The following SMAD2 variants were observed in gnomAD, a reference collection of about 807,000 sequenced individuals.
The protein encoded by SMAD2 is SMAD family member 2, also known as MAD homolog 2.
In SMAD2, 8 loss-of-function variants were observed where a neutral mutation model predicts 64.4. That is an observed-to-expected ratio of 0.12 (90% CI 0.07 to 0.22). The LOEUF is 0.22. SMAD2 is among the 10% of genes least tolerant of loss of function. The pLI is 1.00. For synonymous variants in SMAD2, 203 were observed against 195.8 expected (o/e 1.04, Z -0.31); for missense variants, 289 against 561.2 (o/e 0.51, Z 4.90).
rs940732834 is a variant in SMAD2, at chr18:47,829,575, A to G, written c.*12252T>C. The G allele has an allele frequency of 5.3e-5, 8 of 151,862 alleles. No individual in the cohort carries two copies. Among genetic ancestry groups the G allele is most frequent in the African/African-American group, 1.9e-4 (8 of 41,314 alleles). 9.4% of individuals were successfully genotyped at this position (151,862 alleles called of 1,614,324 possible). A position where few individuals can be genotyped will look rare whatever the true frequency, so the allele number is the denominator to read the frequency against. ...TCTGAAAAAATATTTAAAGTAATCA[A>G]TTAGGTATTCTAAAAGAAGGCAGTT... is the stretch of plus-strand genomic sequence containing the variant. On this transcript the variant is annotated 3_prime_UTR_variant, in exon 11 of 11. Coordinates refer to ENST00000262160, the MANE Select transcript of SMAD2 (RefSeq NM_005901.6).
rs2144474611 is a variant in SMAD2 at position 47,896,622 on chromosome 18, C to T, written c.135G>A (p.Val45=). ...GQEEKWCEKA[V]KSLVKKLKKT... is the part of the protein sequence containing the mutation. ...TCTTTAGCTTCTTCACCAGACTTTT[C>T]ACTGCTTTCTCACACCACTTTTCTT... Residue 45 remains valine, a synonymous_variant, in exon 2 of 11, where the codon GTG becomes GTA. Coordinates refer to ENST00000262160, the MANE Select transcript of SMAD2 (RefSeq NM_005901.6). The T allele has an allele frequency of 6.2e-7, 1 of 1,614,148 alleles. No homozygotes were observed. The highest frequency in any genetic ancestry group is 8.5e-7 in the Non-Finnish European group (1 of 1,180,000).
intron 2 of SMAD2, among the ~76,000 whole-genome samples, chr18:47,878,910 G>A (rs1051624914): frequency 1.3e-5 from 2 of 151,978 alleles, no homozygotes; most frequent in Non-Finnish European, 2.9e-5. Flanking sequence ...TTACTTTTTG[G>A]AACATTAAAA....
At chr18:47,848,759 A>C (rs903419005) in intron 7 of SMAD2, 72 bp from the exon 8 acceptor site, 1 of 1,072,318 alleles carries the variant, frequency 9.3e-7, no homozygotes. Context: ...AAATAGATTT[A>C]ATATAATCAT....
chr18:47,874,815 T>C (rs2032165372), intron 2 of SMAD2, among the ~76,000 whole-genome samples: 1 of 152,196 alleles, frequency 6.6e-6, no homozygotes, highest in Non-Finnish European at 1.5e-5. Context: ...TATGTGTATA[T>C]GCATGCTTGT....
rs1363716441 is a variant in SMAD2 at position 47,832,053 on chromosome 18, T to A, written c.*9774A>T. ...AATAATTACATTGGATGACATCAGT[T>A]TGATACTGATGCCTGCTTCCTGCAC... is the stretch of plus-strand genomic sequence containing the variant. On this transcript the variant is annotated 3_prime_UTR_variant, in exon 11 of 11. Coordinates refer to ENST00000262160, the MANE Select transcript of SMAD2 (RefSeq NM_005901.6). 1 of 152,194 alleles carries A rather than the reference T, an allele frequency of 6.6e-6. No individual in the cohort carries two copies. The highest frequency in any genetic ancestry group is 1.5e-5 in the Non-Finnish European group (1 of 68,036). The allele number at this position is 152,194 out of a possible 1,614,324, so 9.4% of individuals were successfully genotyped here.
In SMAD2 at chr18:47,822,648, G is replaced by A. The variant is rs1183139926; in HGVS notation, c.*19179C>T. 6.6e-6 allele frequency: 1 copy of A among 152,124 alleles called. No individual in the cohort carries two copies. The highest frequency in any genetic ancestry group is 1.5e-5 in the Non-Finnish European group (1 of 68,020). 9.4% of individuals were successfully genotyped at this position (152,124 alleles called of 1,614,324 possible). A position where few individuals can be genotyped will look rare whatever the true frequency, so the allele number is the denominator to read the frequency against. On this transcript the variant is annotated 3_prime_UTR_variant, in exon 11 of 11. Coordinates refer to ENST00000262160, the MANE Select transcript of SMAD2 (RefSeq NM_005901.6). ...AAATATTTGCTTTTCCTTTCTTCTTGATCCCTCCAATTTGGAAACTATTTT... is the reference window on the plus strand; with the variant it reads ...AAATATTTGCTTTTCCTTTCTTCTTAATCCCTCCAATTTGGAAACTATTTT...
chr18:47,844,429 T>A (rs2144284465), intron 10 of SMAD2, among the ~76,000 whole-genome samples: 1 of 152,306 alleles, frequency 6.6e-6, no homozygotes, highest in South Asian at 2.1e-4. Flanking sequence ...TTTACTTAAT[T>A]CCTACTCTTA....
intron 6 of SMAD2, among the ~76,000 whole-genome samples, chr18:47,857,829 T>TAATAC (rs2030847126): frequency 2.0e-5 from 3 of 152,342 alleles, no homozygotes; most frequent in African/African-American, 7.2e-5. Flanking sequence ...TACATGTCTT[T>TAATAC]AGCTGAGTAC....
chr18:47,874,726 T>C (rs1309028901), intron 2 of SMAD2, among the ~76,000 whole-genome samples: 1 of 152,124 alleles, frequency 6.6e-6, no homozygotes, highest in Admixed American at 6.6e-5. Context: ...AATTACTCAC[T>C]AATATATGCA....
At position 47,831,468 on chromosome 18, in the gene SMAD2, A is replaced by G. The variant is rs774984854; in HGVS notation, c.*10359T>C. 6.6e-6 allele frequency: 1 copy of G among 152,250 alleles called. No homozygotes were observed. Among genetic ancestry groups the G allele is most frequent in the Admixed American group, 6.5e-5 (1 of 15,290 alleles). The allele number at this position is 152,250 out of a possible 1,614,324, so 9.4% of individuals were successfully genotyped here. ...TTTCCTAAACTACTTTAGAACTTAA[A>G]TAATTTTATTTTCACATAACATTTA... On this transcript the variant is annotated 3_prime_UTR_variant, in exon 11 of 11. Transcript: ENST00000262160.
Position 47,896,829 on chromosome 18 carries a change from G to A in SMAD2, c.-53-20C>T. ...TCGAACCTAGCAGAAATATTGAAAG[G>A]ATGATGTAGAGACTACCTTGAACAT... On this transcript the variant is annotated intron_variant, in intron 1 of 10. Coordinates refer to ENST00000262160, the MANE Select transcript of SMAD2 (RefSeq NM_005901.6). The A allele has an allele frequency of 1.3e-6, 2 of 1,557,636 alleles. No homozygotes were observed. The highest frequency in any genetic ancestry group is 1.7e-6 in the Non-Finnish European group (2 of 1,152,284).
chr18:47,832,466 C>G lies in SMAD2; in HGVS notation c.*9361G>C, dbSNP rs1018366549. ...CCAGTCCCAAGGCTATTCAATGCCA[C>G]GTAAAATAGTGTATTTTAGCATTTG... is the stretch of plus-strand genomic sequence containing the variant. On this transcript the variant is annotated 3_prime_UTR_variant, in exon 11 of 11. Coordinates refer to ENST00000262160, the MANE Select transcript of SMAD2 (RefSeq NM_005901.6). The G allele has an allele frequency of 6.6e-6, 1 of 152,100 alleles. No homozygotes were observed. The highest frequency in any genetic ancestry group is 1.5e-5 in the Non-Finnish European group (1 of 68,012). 9.4% of individuals were successfully genotyped at this position (152,100 alleles called of 1,614,324 possible).
chr18:47,837,690 A>T lies in SMAD2; in HGVS notation c.*4137T>A. 4.3e-6 allele frequency: 1 copy of T among 233,194 alleles called. No individual in the cohort carries two copies. The highest frequency in any genetic ancestry group is 8.5e-6 in the Non-Finnish European group (1 of 117,918). 14.4% of individuals were successfully genotyped at this position (233,194 alleles called of 1,614,324 possible). On this transcript the variant is annotated 3_prime_UTR_variant, in exon 11 of 11. Coordinates refer to ENST00000262160, the MANE Select transcript of SMAD2 (RefSeq NM_005901.6). ...AGGCAATGAATATAATAGATTTAGC[A>T]AAGTAAAGCATATGAAAGGAAGAAA... is the stretch of plus-strand genomic sequence containing the variant.
chr18:47,856,178 A>G (rs900163290), intron 6 of SMAD2, among the ~76,000 whole-genome samples: 2 of 152,098 alleles, frequency 1.3e-5, no homozygotes. Context: ...GAAACATAAT[A>G]AAATGGTGAT....
chr18:47,871,423 C>T (rs537777708), intron 2 of SMAD2, among the ~76,000 whole-genome samples: 1 of 152,314 alleles, frequency 6.6e-6, no homozygotes, highest in South Asian at 2.1e-4. Context: ...TTCATATTTA[C>T]ACATTGTTAG....
chr18:47,908,007 T>A (rs920642818), intron 1 of SMAD2, among the ~76,000 whole-genome samples: 24 of 152,182 alleles, frequency 1.6e-4, no homozygotes, highest in Non-Finnish European at 2.8e-4. Flanking sequence ...TTCAAAAAAA[T>A]TTAAAAGGTG....
At chr18:47,863,899 A>G (rs2031371854) in intron 6 of SMAD2, among the ~76,000 whole-genome samples, 1 of 152,078 alleles carries the variant, frequency 6.6e-6, no homozygotes, top group African/African-American at 2.4e-5. Context: ...TACTAGCGAT[A>G]TATGAGGACT....
chr18:47,899,538 A>G (rs957912526), intron 1 of SMAD2, among the ~76,000 whole-genome samples: 1 of 152,208 alleles, frequency 6.6e-6, no homozygotes, highest in South Asian at 2.1e-4. Flanking sequence ...AAGTGCCAAC[A>G]CTAGGATTTA....
At chr18:47,917,844 C>T (rs1319163808) in intron 1 of SMAD2, among the ~76,000 whole-genome samples, 4 of 152,088 alleles carry the variant, frequency 2.6e-5, no homozygotes, top group African/African-American at 4.8e-5. Context: ...TGAGCCACCA[C>T]GCCTAACCAA....
Sources: gnomAD v4.1 joint callset for allele counts (sites outside exome capture counted in the v4.1 genomes callset) on GRCh38, gnomAD v4.1.1 for gene constraint, MANE v1.5 for transcripts, NCBI Gene and HGNC (gene_info 2026-07-23, HGNC 2026-07-21) for gene names.